COL18A1: variants seen among roughly 807,000 people sequenced by gnomAD.
COL18A1 encodes collagen type XVIII alpha 1 chain, also known as collagen alpha-1(XVIII) chain.
Under a neutral mutation model 168.0 loss-of-function variants are expected in COL18A1, and 133 were observed. The observed-to-expected ratio is 0.79, with a 90% CI of 0.69 to 0.91. The LOEUF (loss-of-function observed/expected upper bound fraction) is 0.91, where lower values mean the gene tolerates loss of function less well. Ranked by LOEUF, COL18A1 falls within the 40% of genes least tolerant of loss-of-function variation. The pLI is 0.00. For missense variants in COL18A1, 2,126 were observed against 1,925.4 expected (o/e 1.10, Z -1.95); for synonymous variants, 949 against 809.0 (o/e 1.17, Z -2.94).
At chr21:45,491,382 C>G (rs535158354) in intron 22 of COL18A1, 68 bp downstream of exon 22, 1 of 767,610 alleles carries the variant, frequency 1.3e-6, no homozygotes, top group East Asian at 2.7e-5. Context: ...GATCCCTCCC[C>G]GAGCCCCCCC....
At chr21:45,496,650 C>G (rs568047824) in intron 30 of COL18A1, 82 bp downstream of exon 30, 2 of 794,016 alleles carry the variant, frequency 2.5e-6, no homozygotes, top group African/African-American at 1.7e-5. Context: ...GCCTTCTTCT[C>G]CCCTGGCCTC....
intron 39 of COL18A1, 82 bp from the exon 40 acceptor site, chr21:45,509,982 G>A: frequency 6.8e-7 from 1 of 1,464,618 alleles, no homozygotes; most frequent in Non-Finnish European, 9.2e-7. Flanking sequence ...CCACACAGGT[G>A]CGGGGCCGGG....
rs368730788 is a variant in COL18A1, at chr21:45,495,375, C to T, written c.2451C>T (p.Asn817=). The T allele has an allele frequency of 8.1e-5, 131 of 1,610,818 alleles. No individual in the cohort carries two copies. Among genetic ancestry groups the T allele is most frequent in the African/African-American group, 1.2e-4 (9 of 74,878 alleles). ...CGCCCCAGGGTCGCCCCGGGATGAACGGATTGAAAGGAGAGAAAGGGGAGC... is the reference window on the plus strand; with the variant it reads ...CGCCCCAGGGTCGCCCCGGGATGAATGGATTGAAAGGAGAGAAAGGGGAGC... The part of the protein sequence containing the change: ...FPGRPGRPGM[N]GLKGEKGEPG... Residue 817 remains asparagine, a synonymous_variant, in exon 29 of 42, where the codon AAC becomes AAT. Coordinates refer to ENST00000651438, the MANE Select transcript of COL18A1 (RefSeq NM_001379500.1).
At position 45,437,594 on chromosome 21, in the gene COL18A1, T is replaced by A. The variant is rs1382239663; in HGVS notation, c.107-30648T>A. ...GGCACTCTCCTGTACACACACACACTCACACACTCAGACACACAGGCACTC... is the reference window on the plus strand; with the variant it reads ...GGCACTCTCCTGTACACACACACACACACACACTCAGACACACAGGCACTC... On this transcript the variant is annotated intron_variant, in intron 2 of 41. Coordinates refer to ENST00000651438, the MANE Select transcript of COL18A1 (RefSeq NM_001379500.1). Among the ~76,000 whole-genome samples the A allele has an allele frequency of 1.7e-3, 21 of 12,402 alleles. 1 individual carries two copies. Among genetic ancestry groups the A allele is most frequent in the African/African-American group, 2.4e-3 (4 of 1,690 alleles). The allele number at this position is 12,402 out of a possible 152,430, so 8.1% of individuals were successfully genotyped here. A position where few individuals can be genotyped will look rare whatever the true frequency, so the allele number is the denominator to read the frequency against.
intron 30 of COL18A1, among the ~76,000 whole-genome samples, 166 bp from the exon 31 acceptor site, chr21:45,496,878 AGGCCGT>A (rs1165368516): frequency 6.6e-6 from 1 of 152,206 alleles, no homozygotes; most frequent in East Asian, 1.9e-4. Flanking sequence ...AAGTGGCGTC[AGGCCGT>A]GGCTCCTGCT....
intron 2 of COL18A1, among the ~76,000 whole-genome samples, chr21:45,460,230 C>T (rs376193299): frequency 6.6e-6 from 1 of 152,238 alleles, no homozygotes; most frequent in African/African-American, 2.4e-5. Flanking sequence ...GACCAGCAGG[C>T]ATCCACCCTC....
intron 2 of COL18A1, among the ~76,000 whole-genome samples, chr21:45,467,072 G>A (rs2145886055): frequency 6.6e-6 from 1 of 152,384 alleles, no homozygotes; most frequent in East Asian, 1.9e-4. Flanking sequence ...CCCAGGCTCA[G>A]CCCGTTGGGA....
Position 45,443,325 on chromosome 21 carries a change from G to A in COL18A1, c.107-24917G>A, listed in dbSNP as rs548969812. On this transcript the variant is annotated intron_variant, in intron 2 of 41. Coordinates refer to ENST00000651438, the MANE Select transcript of COL18A1 (RefSeq NM_001379500.1). This position sits in a 1 kb window ranked among gnomAD's most constrained non-coding sequence, Gnocchi z 5.2. Reference sequence around the variant, plus strand: ...CATGGGAACCTGGCTGTGTGAGCCTGCCCTGGGGCCTTCCATGAGAAAACC... The same window carrying A: ...CATGGGAACCTGGCTGTGTGAGCCTACCCTGGGGCCTTCCATGAGAAAACC... Among the ~76,000 whole-genome samples, 289 of 152,288 alleles carry A rather than the reference G, an allele frequency of 1.9e-3. 1 individual carries two copies. The highest frequency in any genetic ancestry group is 2.1e-3 in the Non-Finnish European group (140 of 68,000).
intron 28 of COL18A1, 52 bp downstream of exon 28, chr21:45,494,967 G>C: frequency 4.6e-6 from 7 of 1,528,842 alleles, no homozygotes; most frequent in Non-Finnish European, 6.3e-6. Flanking sequence ...TGGCAGGTGG[G>C]GAGCAGCCCA....
At chr21:45,469,128 T>C (rs1433031839) in intron 3 of COL18A1, among the ~76,000 whole-genome samples, 1 of 152,074 alleles carries the variant, frequency 6.6e-6, no homozygotes, top group African/African-American at 2.4e-5. Flanking sequence ...ACTTTGTAAC[T>C]AGACATCCAC....
intron 4 of COL18A1, 126 bp from the exon 5 acceptor site, chr21:45,475,350 G>C (rs2035609477): frequency 2.3e-6 from 2 of 858,806 alleles, no homozygotes. Context: ...GCACCAGAGA[G>C]GGCTGGACGA....
chr21:45,459,450 A>T (rs1362521611), intron 2 of COL18A1, among the ~76,000 whole-genome samples: 1 of 152,082 alleles, frequency 6.6e-6, no homozygotes, highest in East Asian at 1.9e-4. Context: ...CCCTGAGGGG[A>T]GGGGAGCTGG....
At chr21:45,479,104 G>A (rs2035787456) in intron 9 of COL18A1, among the ~76,000 whole-genome samples, 2 of 152,136 alleles carry the variant, frequency 1.3e-5, no homozygotes, top group Admixed American at 6.5e-5. Context: ...GATGATCCAC[G>A]GGGCCCACCC....
At chr21:45,474,934 G>GGCTGC (rs2035589957) in intron 4 of COL18A1, among the ~76,000 whole-genome samples, 1 of 152,204 alleles carries the variant, frequency 6.6e-6, no homozygotes, top group Admixed American at 6.5e-5. Context: ...GCCATGACAA[G>GGCTGC]GCTGCGCCCT....
At chr21:45,490,892 T>TGGATGG (rs1568922428) in intron 21 of COL18A1, 21 bp downstream of exon 21, 1 of 1,545,970 alleles carries the variant, frequency 6.5e-7, no homozygotes, top group Non-Finnish European at 8.7e-7. Context: ...CTGGGGCGGG[T>TGGATGG]GGATGGGGAT....
intron 15 of COL18A1, among the ~76,000 whole-genome samples, chr21:45,485,149 ATTTTT>A (rs751718038): frequency 1.5e-3 from 80 of 55,082 alleles, no homozygotes; most frequent in African/African-American, 5.3e-3. Context: ...CACCTGGCTA[ATTTTT>A]TTTTTTTTTT....
chr21:45,466,278 ACTGT>A (rs2035207495), intron 2 of COL18A1, among the ~76,000 whole-genome samples: 1 of 152,154 alleles, frequency 6.6e-6, no homozygotes, highest in Non-Finnish European at 1.5e-5. Context: ...TGCTGGCTGC[ACTGT>A]CTGTCCTGGG....
chr21:45,449,646 C>T (rs893457602), intron 2 of COL18A1, among the ~76,000 whole-genome samples: 4 of 152,158 alleles, frequency 2.6e-5, no homozygotes, highest in African/African-American at 9.7e-5. Flanking sequence ...GGTGTGGCCA[C>T]ACTCCCTCTG....
chr21:45,455,528 C>G, intron 2 of COL18A1: 1 of 1,612,752 alleles, frequency 6.2e-7, no homozygotes, highest in Non-Finnish European at 8.5e-7. Flanking sequence ...CCGCACTGCC[C>G]CGATGGCTCC....
Sources: allele counts gnomAD v4.1 joint callset (sites outside exome capture counted in the v4.1 genomes callset), GRCh38; gene constraint gnomAD v4.1.1; non-coding constraint Gnocchi (gnomAD v3.1); transcripts MANE v1.5; gene names NCBI Gene and HGNC (gene_info 2026-07-23, HGNC 2026-07-21).